The following MLLT3 variants were observed in gnomAD, a reference collection of about 807,000 sequenced individuals.
MLLT3 encodes MLLT3 super elongation complex subunit, also known as protein AF-9.
MLLT3 carries 4 observed loss-of-function variants against 53.2 expected under a neutral mutation model. The ratio of observed to expected loss-of-function variants is 0.08; its 90% confidence interval spans 0.04 to 0.17. The LOEUF is 0.17. Among genes scored for constraint, MLLT3 ranks in the 10% least tolerant of loss-of-function variants. MLLT3 has a pLI of 1.00. For synonymous variants in MLLT3, 283 were observed against 230.6 expected, an observed-to-expected ratio of 1.23 and a Z score of -2.06; for missense variants, 569 against 684.0, an observed-to-expected ratio of 0.83 and a Z score of 1.87.
At chr9:20,582,153 G>C (rs1003197039) in intron 2 of MLLT3, among the ~76,000 whole-genome samples, 1 of 151,932 alleles carries the variant, frequency 6.6e-6, no homozygotes, top group Non-Finnish European at 1.5e-5. Context: ...ACTCTACCTG[G>C]CTCTCATTTT....
intron 2 of MLLT3, among the ~76,000 whole-genome samples, chr9:20,570,546 G>A (rs755316549): frequency 6.6e-6 from 1 of 152,110 alleles, no homozygotes; most frequent in African/African-American, 2.4e-5. Context: ...TTTCTGGAAT[G>A]TCTATAACAA....
At chr9:20,559,361 G>A (rs990659897) in intron 2 of MLLT3, among the ~76,000 whole-genome samples, 1 of 152,142 alleles carries the variant, frequency 6.6e-6, no homozygotes, top group Non-Finnish European at 1.5e-5. Flanking sequence ...TTTGTTAACT[G>A]GTTAAAGTAA....
intron 2 of MLLT3, among the ~76,000 whole-genome samples, chr9:20,485,029 C>A: frequency 6.6e-6 from 1 of 151,062 alleles, no homozygotes. Context: ...CTCTCTGTTG[C>A]CCAGACTGGA....
chr9:20,403,501 G>T (rs1822506508), intron 5 of MLLT3, among the ~76,000 whole-genome samples: 1 of 152,152 alleles, frequency 6.6e-6, no homozygotes, highest in Non-Finnish European at 1.5e-5. Flanking sequence ...ACAAAACACA[G>T]AGGACTATGC....
chr9:20,563,581 T>C (rs1819275166), intron 2 of MLLT3, among the ~76,000 whole-genome samples: 1 of 152,122 alleles, frequency 6.6e-6, no homozygotes. Context: ...CTGCTAAGCA[T>C]AAATACTGCT....
At chr9:20,496,351 T>C (rs746666808) in intron 2 of MLLT3, among the ~76,000 whole-genome samples, 1 of 152,206 alleles carries the variant, frequency 6.6e-6, no homozygotes, top group Non-Finnish European at 1.5e-5. Context: ...TAACAGGGGA[T>C]GCAGTCTCCC....
rs1439946148 is a variant in MLLT3 at position 20,344,721 on chromosome 9, T to A, written c.*1722A>T. ...GGATAGAAAGAAACAGTGTAAAAAA[T>A]CCCCTTTTTAAAATGCAGAAATAAC... On this transcript the variant is annotated 3_prime_UTR_variant, in exon 11 of 11. Coordinates refer to ENST00000380338, the MANE Select transcript of MLLT3 (RefSeq NM_004529.4). 1 of 206,444 alleles carries A rather than the reference T, an allele frequency of 4.8e-6. No homozygotes were observed. Among genetic ancestry groups the A allele is most frequent in the Non-Finnish European group, 9.9e-6 (1 of 101,170 alleles). 12.8% of individuals were successfully genotyped at this position (206,444 alleles called of 1,614,324 possible). A position where few individuals can be genotyped will look rare whatever the true frequency, so the allele number is the denominator to read the frequency against.
chr9:20,480,259 G>C (rs73648221), intron 2 of MLLT3, among the ~76,000 whole-genome samples: 5,156 of 152,278 alleles, frequency 0.034, 281 homozygotes, highest in African/African-American at 0.12. Context: ...CTACAAACTT[G>C]TTGGGGCTTC....
intron 2 of MLLT3, among the ~76,000 whole-genome samples, chr9:20,535,550 ATC>A (rs961406273): frequency 5.3e-5 from 8 of 152,182 alleles, no homozygotes; most frequent in African/African-American, 1.9e-4. Flanking sequence ...AACCAAAAAA[ATC>A]AATCATAAAA....
intron 2 of MLLT3, among the ~76,000 whole-genome samples, chr9:20,608,824 A>C (rs1820632776): frequency 1.3e-5 from 2 of 152,024 alleles, no homozygotes; most frequent in African/African-American, 4.8e-5. Flanking sequence ...AAAACTTGAA[A>C]AAGCCAACGA....
At chr9:20,424,518 G>C (rs1823094435) in intron 4 of MLLT3, among the ~76,000 whole-genome samples, 1 of 152,092 alleles carries the variant, frequency 6.6e-6, no homozygotes, top group Non-Finnish European at 1.5e-5. Context: ...AGGCGGGAGA[G>C]GTCACTGTTT....
At chr9:20,561,031 T>A (rs1365172726) in intron 2 of MLLT3, among the ~76,000 whole-genome samples, 1 of 152,186 alleles carries the variant, frequency 6.6e-6, no homozygotes, top group East Asian at 1.9e-4. Context: ...CTGTTAAATG[T>A]TATAACTGAA....
At position 20,526,769 on chromosome 9, in the gene MLLT3, C is replaced by A. The variant is rs554444590; in HGVS notation, c.194-69983G>T. ...TGCTCACATCAATTTACATTCCCAC[C>A]AGCAGAGTGAGAATTTCTGTTGTTC... On this transcript the variant is annotated intron_variant, in intron 2 of 10. Coordinates refer to ENST00000380338, the MANE Select transcript of MLLT3 (RefSeq NM_004529.4). Among the ~76,000 whole-genome samples, 43 of 152,244 alleles carry A rather than the reference C, an allele frequency of 2.8e-4. 1 individual carries two copies. The highest frequency in any genetic ancestry group is 2.1e-4 in the South Asian group (1 of 4,822).
In MLLT3 at chr9:20,448,060, G is replaced by GTTTT; in HGVS notation, c.420+59_420+62dup. On this transcript the variant is annotated intron_variant, in intron 4 of 10. Coordinates refer to ENST00000380338, the MANE Select transcript of MLLT3 (RefSeq NM_004529.4). This position sits in a 1 kb window ranked among gnomAD's most constrained non-coding sequence, Gnocchi z 4.0. ...TAACACATGAGGAACTAGTTTGTTT[G>GTTTT]TTTTTTTTTTTGTTGTTGTTGTTTT... 8.3e-7 allele frequency: 1 copy of GTTTT among 1,205,050 alleles called. No individual in the cohort carries two copies. Among genetic ancestry groups the GTTTT allele is most frequent in the Non-Finnish European group, 1.1e-6 (1 of 878,406 alleles). The allele number at this position is 1,205,050 out of a possible 1,614,324, so 74.6% of individuals were successfully genotyped here.
rs913751153 is a variant in MLLT3, at chr9:20,621,856, C to A, written c.12+389G>T. Reference sequence around the variant, plus strand: ...CCCGGACTGTGCCCGCAGCTCCCGGCGGCGGCGGCTGAAATATGGCTGAGT... The same window carrying A: ...CCCGGACTGTGCCCGCAGCTCCCGGAGGCGGCGGCTGAAATATGGCTGAGT... On this transcript the variant is annotated intron_variant, in intron 1 of 10. Coordinates refer to ENST00000380338, the MANE Select transcript of MLLT3 (RefSeq NM_004529.4). The surrounding 1 kb of genome is among the most constrained non-coding windows in gnomAD (Gnocchi z 7.0). 1.2e-3 allele frequency: 1,657 copies of A among 1,383,352 alleles called. 2 individuals carry two copies. Among genetic ancestry groups the A allele is most frequent in the Non-Finnish European group, 1.5e-3 (1,568 of 1,077,856 alleles). The allele number at this position is 1,383,352 out of a possible 1,614,324, so 85.7% of individuals were successfully genotyped here. A position where few individuals can be genotyped will look rare whatever the true frequency, so the allele number is the denominator to read the frequency against.
chr9:20,545,426 T>C (rs1334656356), intron 2 of MLLT3, among the ~76,000 whole-genome samples: 2 of 152,112 alleles, frequency 1.3e-5, no homozygotes, highest in East Asian at 1.9e-4. Context: ...GGATCCATTG[T>C]TAGATGGGTA....
intron 2 of MLLT3, among the ~76,000 whole-genome samples, chr9:20,594,070 A>G (rs962443464): frequency 2.0e-5 from 3 of 151,100 alleles, no homozygotes; most frequent in Non-Finnish European, 1.5e-5. Flanking sequence ...CCTCCCAATT[A>G]GCTGGGATTA....
chr9:20,516,050 T>C, intron 2 of MLLT3, among the ~76,000 whole-genome samples: 1 of 152,272 alleles, frequency 6.6e-6, no homozygotes, highest in South Asian at 2.1e-4. Flanking sequence ...GCAAAGCCAG[T>C]TAAGTAAGAG....
At chr9:20,555,069 G>A (rs893247912) in intron 2 of MLLT3, among the ~76,000 whole-genome samples, 5 of 152,172 alleles carry the variant, frequency 3.3e-5, no homozygotes, top group Admixed American at 1.3e-4. Context: ...GAAGTGTTTC[G>A]TGAAGCTAAA....
Sources: gnomAD v4.1 joint callset for allele counts (sites outside exome capture counted in the v4.1 genomes callset) on GRCh38, gnomAD v4.1.1 for gene constraint, Gnocchi (gnomAD v3.1) non-coding constraint, MANE v1.5 for transcripts, NCBI Gene and HGNC (gene_info 2026-07-23, HGNC 2026-07-21) for gene names.